The following PPP2R3A variants were observed in gnomAD, a reference collection of about 807,000 sequenced individuals.
The protein encoded by PPP2R3A is protein phosphatase 2 regulatory subunit B''alpha.
PPP2R3A carries 80 observed loss-of-function variants against 106.9 expected under a neutral mutation model. That is an observed-to-expected ratio of 0.75 (90% CI 0.62 to 0.90). The LOEUF (loss-of-function observed/expected upper bound fraction) is 0.90. PPP2R3A is among the 40% of genes least tolerant of loss of function. PPP2R3A has a pLI of 0.00. For synonymous variants in PPP2R3A, 483 were observed against 468.3 expected (o/e 1.03, Z -0.41); for missense variants, 1,386 against 1,350.4 (o/e 1.03, Z -0.41).
chr3:135,991,849 T>A (rs545309188), intron 1 of PPP2R3A, among the ~76,000 whole-genome samples: 1 of 152,268 alleles, frequency 6.6e-6, no homozygotes, highest in Admixed American at 6.5e-5. Context: ...AAATAAAAGT[T>A]AGTTTTTAAG....
intron 1 of PPP2R3A, among the ~76,000 whole-genome samples, chr3:135,973,820 A>AT (rs1937316566): frequency 6.6e-6 from 1 of 152,194 alleles, no homozygotes; most frequent in African/African-American, 2.4e-5. Context: ...ACTGTTCTAG[A>AT]TACCGGAGAT....
At position 136,090,599 on chromosome 3, in the gene PPP2R3A, G is replaced by A; in HGVS notation, c.2859G>A (p.Glu953=). ...AVTRGKTIQK[E]GRMSYADFVW... is the part of the protein sequence containing the mutation. ...TTAGGGGAAAAACAATACAGAAAGA[G>A]GGAAGAATGAGCTATGCAGATTTTG... The change falls in exon 10 of 14, where the codon GAG becomes GAA. Residue 953 remains glutamate (E), a synonymous_variant. Transcript: ENST00000264977. The A allele has an allele frequency of 6.2e-7, 1 of 1,613,532 alleles. No individual in the cohort carries two copies. Among genetic ancestry groups the A allele is most frequent in the Non-Finnish European group, 8.5e-7 (1 of 1,179,638 alleles).
At chr3:136,040,069 A>AT (rs952552179) in intron 3 of PPP2R3A, among the ~76,000 whole-genome samples, 5 of 152,150 alleles carry the variant, frequency 3.3e-5, no homozygotes, top group Admixed American at 6.5e-5. Context: ...GCAGTCTAGG[A>AT]TTTTCTGGTT....
In PPP2R3A at chr3:136,004,417, C is replaced by T. The variant is rs970074041; in HGVS notation, c.1995+924C>T. 2.6e-5 allele frequency among the ~76,000 whole-genome samples: 4 copies of T among 152,266 alleles called. No homozygotes were observed. In the East Asian group the frequency reaches 5.8e-4, roughly 22 times the overall value. On this transcript the variant is annotated intron_variant, in intron 2 of 13. Coordinates refer to ENST00000264977, the MANE Select transcript of PPP2R3A (RefSeq NM_002718.5). ...CTAGGATATGTGGCTTTTGAGTTCA[C>T]TGAAGGAGGGGAACAAAGGGGTGAT... is the stretch of plus-strand genomic sequence containing the variant.
Position 136,002,143 on chromosome 3 carries a change from G to T in PPP2R3A, c.645G>T (p.Leu215Phe), listed in dbSNP as rs1380768705. 1.9e-6 allele frequency: 3 copies of T among 1,613,678 alleles called. No individual in the cohort carries two copies. The highest frequency in any genetic ancestry group is 2.5e-6 in the Non-Finnish European group (3 of 1,179,968). ...AAGAAGACTTGGTTACTCAGATTTT[G>T]GAAAAACATAAAATAGATAATTTTT... is the stretch of plus-strand genomic sequence containing the variant. ...FSEEDLVTQILEKHKIDNFSS... is the reference protein window; with the variant it reads ...FSEEDLVTQIFEKHKIDNFSS... The change falls in exon 2 of 14, where the codon TTG (leucine) becomes TTT (phenylalanine). Residue 215 changes from leucine (L) to phenylalanine (F), a missense_variant. By Grantham distance (22) the Leu-to-Phe change is conservative. Coordinates refer to ENST00000264977, the MANE Select transcript of PPP2R3A (RefSeq NM_002718.5).
At chr3:136,073,242 C>T (rs902925167) in intron 6 of PPP2R3A, among the ~76,000 whole-genome samples, 1 of 152,186 alleles carries the variant, frequency 6.6e-6, no homozygotes, top group Admixed American at 6.5e-5. Context: ...GCTGGGATTA[C>T]AGGCATGAGC....
At chr3:136,139,438 G>A (rs1938760102) in intron 13 of PPP2R3A, among the ~76,000 whole-genome samples, 1 of 152,054 alleles carries the variant, frequency 6.6e-6, no homozygotes, top group African/African-American at 2.4e-5. Context: ...GTTCACACCT[G>A]TACTCCCAGC....
intron 3 of PPP2R3A, among the ~76,000 whole-genome samples, chr3:136,031,411 G>A (rs1934887139): frequency 6.6e-6 from 1 of 152,110 alleles, no homozygotes; most frequent in Admixed American, 6.5e-5. Flanking sequence ...TTAGTCCTTT[G>A]TCAGATGTAT....
In PPP2R3A at chr3:136,133,206, T is replaced by C. The variant is rs138134077; in HGVS notation, c.3330-11837T>C. On this transcript the variant is annotated intron_variant, in intron 13 of 13. Coordinates refer to ENST00000264977, the MANE Select transcript of PPP2R3A (RefSeq NM_002718.5). ...AACGATTGCTCTTCAGAAGACACCA[T>C]TAAGAAAATGAAAAAACAGACCAGG... Among the ~76,000 whole-genome samples, 536 of 152,094 alleles carry C rather than the reference T, an allele frequency of 3.5e-3. 7 individuals carry two copies. In the East Asian group the frequency reaches 0.048, roughly 13 times the overall value.
intron 3 of PPP2R3A, among the ~76,000 whole-genome samples, chr3:136,033,208 G>T (rs956297366): frequency 2.0e-5 from 3 of 152,156 alleles, no homozygotes; most frequent in African/African-American, 7.2e-5. Context: ...AACCATCCCT[G>T]CATCCCTGAT....
chr3:135,995,980 G>A (rs1933381862), intron 1 of PPP2R3A, among the ~76,000 whole-genome samples: 1 of 152,092 alleles, frequency 6.6e-6, no homozygotes, highest in Admixed American at 6.6e-5. Flanking sequence ...AGAGTGTTCT[G>A]CTATGATCTT....
In PPP2R3A at chr3:136,095,554, C is replaced by G. The variant is rs148432196; in HGVS notation, c.2927+4887C>G. 9.9e-5 allele frequency among the ~76,000 whole-genome samples: 15 copies of G among 152,250 alleles called. No homozygotes were observed. The East Asian group carries it at 2.9e-3, about 29-fold the overall frequency. ...TTCAGACTCAGGTTTGTATCTCTCC[C>G]AAACCTGGACTCTACCACTATATGG... is the stretch of plus-strand genomic sequence containing the variant. On this transcript the variant is annotated intron_variant, in intron 10 of 13. Transcript: ENST00000264977.
chr3:136,110,049 A>G (rs1468583310), intron 13 of PPP2R3A, among the ~76,000 whole-genome samples: 3 of 152,150 alleles, frequency 2.0e-5, no homozygotes, highest in Non-Finnish European at 2.9e-5. Context: ...GAGAAAGCCC[A>G]GTCACTGAAA....
At chr3:136,065,581 G>A (rs1265678158) in intron 5 of PPP2R3A, among the ~76,000 whole-genome samples, 1 of 152,028 alleles carries the variant, frequency 6.6e-6, no homozygotes, top group Admixed American at 6.6e-5. Flanking sequence ...AAAACCAATA[G>A]CACTTTTAAT....
At chr3:136,008,472 C>A (rs948089168) in intron 2 of PPP2R3A, among the ~76,000 whole-genome samples, 1 of 152,208 alleles carries the variant, frequency 6.6e-6, no homozygotes, top group East Asian at 1.9e-4. Context: ...TTGGTGGCTT[C>A]TGACGTCAGG....
chr3:136,055,400 T>C lies in PPP2R3A; in HGVS notation c.2469+6039T>C, dbSNP rs1433673008. 6 of 989,202 alleles carry C rather than the reference T, an allele frequency of 6.1e-6. No individual in the cohort carries two copies. The African/African-American group carries it at 7.9e-5, about 13-fold the overall frequency. The allele number at this position is 989,202 out of a possible 1,614,324, so 61.3% of individuals were successfully genotyped here. On this transcript the variant is annotated intron_variant, in intron 5 of 13. Coordinates refer to ENST00000264977, the MANE Select transcript of PPP2R3A (RefSeq NM_002718.5). The stretch of plus-strand genomic sequence containing the variant: ...GGTAGGACTTCCTCTGACCCTCTTA[T>C]CCCCTGTTGCTCTCCGAGGTGCCAT...
intron 1 of PPP2R3A, among the ~76,000 whole-genome samples, chr3:135,992,945 A>G (rs1292444090): frequency 6.6e-6 from 1 of 152,190 alleles, no homozygotes; most frequent in Non-Finnish European, 1.5e-5. Flanking sequence ...GAACCAGCCA[A>G]ATATGTCCCA....
intron 2 of PPP2R3A, chr3:136,022,949 A>G: frequency 1.3e-6 from 2 of 1,518,340 alleles, no homozygotes; most frequent in South Asian, 1.3e-5. Flanking sequence ...CTTGAATTTC[A>G]TTTCTTTGGG....
At chr3:136,026,714 C>A in intron 2 of PPP2R3A, 118 bp from the exon 3 acceptor site, 1 of 872,828 alleles carries the variant, frequency 1.1e-6, no homozygotes, top group Non-Finnish European at 1.7e-6. Flanking sequence ...TTTAAGAGTA[C>A]AGTGAGCCCT....
Sources: gnomAD v4.1 joint callset for allele counts (sites outside exome capture counted in the v4.1 genomes callset) on GRCh38, gnomAD v4.1.1 for gene constraint, MANE v1.5 for transcripts, NCBI Gene and HGNC (gene_info 2026-07-23, HGNC 2026-07-21) for gene names.